CTNND2: variants seen among roughly 807,000 people sequenced by gnomAD.
CTNND2 encodes catenin delta-2.
A neutral mutation model predicts 144.4 loss-of-function variants in CTNND2; 22 were observed. The ratio of observed to expected loss-of-function variants is 0.15; its 90% confidence interval spans 0.11 to 0.22. CTNND2 has a LOEUF of 0.22. Among genes scored for constraint, CTNND2 ranks in the 10% least tolerant of loss-of-function variants. CTNND2 has a pLI of 1.00. For missense variants in CTNND2, 1,353 were observed against 1,618.8 expected (o/e 0.84, Z 2.82); for synonymous variants, 751 against 695.6 (o/e 1.08, Z -1.25).
At chr5:11,237,723 T>C (rs905777196) in intron 9 of CTNND2, among the ~76,000 whole-genome samples, 6 of 152,208 alleles carry the variant, frequency 3.9e-5, no homozygotes, top group Non-Finnish European at 5.9e-5. Context: ...AATAGTCTGA[T>C]TCAGGCACAG....
intron 8 of CTNND2, among the ~76,000 whole-genome samples, chr5:11,364,197 A>G (rs1341356355): frequency 1.3e-5 from 2 of 152,242 alleles, no homozygotes; most frequent in South Asian, 2.1e-4. Context: ...ACCTTCACAC[A>G]ATAATTTTGT....
intron 3 of CTNND2, among the ~76,000 whole-genome samples, chr5:11,438,476 A>C (rs2149887896): frequency 1.3e-5 from 2 of 152,320 alleles, no homozygotes; most frequent in South Asian, 4.1e-4. Flanking sequence ...AGAAAAGCAG[A>C]TGGTCCCATA....
At chr5:11,348,361 T>C (rs1477607325) in intron 8 of CTNND2, among the ~76,000 whole-genome samples, 1 of 149,502 alleles carries the variant, frequency 6.7e-6, no homozygotes, top group Admixed American at 6.7e-5. Flanking sequence ...AACTTGCTCT[T>C]GGATGAACAA....
At chr5:11,557,028 G>A (rs1436304866) in intron 3 of CTNND2, among the ~76,000 whole-genome samples, 1 of 152,012 alleles carries the variant, frequency 6.6e-6, no homozygotes, top group Non-Finnish European at 1.5e-5. Flanking sequence ...ACGAATGCAT[G>A]CATATATGCC....
intron 16 of CTNND2, among the ~76,000 whole-genome samples, chr5:11,081,664 A>G (rs1414965340): frequency 4.6e-5 from 7 of 152,246 alleles, no homozygotes; most frequent in Non-Finnish European, 8.8e-5. Context: ...ATGAATGTCT[A>G]TGATTATAAC....
intron 11 of CTNND2, among the ~76,000 whole-genome samples, chr5:11,179,207 C>T (rs748852076): frequency 7.2e-5 from 11 of 151,972 alleles, no homozygotes; most frequent in Non-Finnish European, 1.6e-4. Context: ...GTAGGAGAAT[C>T]GCTTGAACCC....
chr5:11,150,309 C>G (rs1216002889), intron 12 of CTNND2, among the ~76,000 whole-genome samples: 2 of 152,164 alleles, frequency 1.3e-5, no homozygotes, highest in African/African-American at 4.8e-5. Context: ...CTGAGTAAAT[C>G]CGGTGGACTT....
intron 3 of CTNND2, among the ~76,000 whole-genome samples, chr5:11,558,747 C>G (rs10060271): frequency 0.89 from 136,111 of 152,130 alleles, 60,944 homozygotes; most frequent in Admixed American, 0.92. Context: ...GCTTTGAGTG[C>G]AAGAACATGG....
chr5:11,844,605 C>T (rs1040353686), intron 1 of CTNND2, among the ~76,000 whole-genome samples: 4 of 151,988 alleles, frequency 2.6e-5, no homozygotes, highest in Non-Finnish European at 4.4e-5. Flanking sequence ...CACAGAAGTT[C>T]TGGCATATCC....
Position 11,811,616 on chromosome 5 carries a change from T to A in CTNND2, c.38-79344A>T, listed in dbSNP as rs867037789. Among the ~76,000 whole-genome samples, 5 of 152,198 alleles carry A rather than the reference T, an allele frequency of 3.3e-5. No individual in the cohort carries two copies. The South Asian group carries it at 8.3e-4, about 25-fold the overall frequency. On this transcript the variant is annotated intron_variant, in intron 1 of 21. Transcript: ENST00000304623. Reference sequence around the variant, plus strand: ...GTCCAATGGATGCCCTAGTTTTATATTACTCATTGCTTAAGTACTAGAGAG... The same window carrying A: ...GTCCAATGGATGCCCTAGTTTTATAATACTCATTGCTTAAGTACTAGAGAG...
At chr5:11,179,395 T>C (rs558241927) in intron 11 of CTNND2, among the ~76,000 whole-genome samples, 93 of 152,260 alleles carry the variant, frequency 6.1e-4, no homozygotes, top group Non-Finnish European at 9.7e-4. Flanking sequence ...AACAAGGTTA[T>C]CACAGAAAAT....
At chr5:11,558,890 GT>G (rs1293631922) in intron 3 of CTNND2, among the ~76,000 whole-genome samples, 1 of 152,070 alleles carries the variant, frequency 6.6e-6, no homozygotes, top group Non-Finnish European at 1.5e-5. Flanking sequence ...GCAAGTGGTC[GT>G]GTAGACTAAG....
chr5:11,469,478 T>TG (rs535153100), intron 3 of CTNND2, among the ~76,000 whole-genome samples: 102 of 152,264 alleles, frequency 6.7e-4, no homozygotes, highest in Non-Finnish European at 1.1e-3. Flanking sequence ...CTGCATTTAT[T>TG]GGAGCACCAG....
At chr5:11,145,144 T>C (rs1272300363) in intron 12 of CTNND2, among the ~76,000 whole-genome samples, 1 of 152,068 alleles carries the variant, frequency 6.6e-6, no homozygotes, top group Non-Finnish European at 1.5e-5. Context: ...TAATAAAATA[T>C]ATATTATATA....
chr5:11,769,089 T>C (rs1789768381), intron 1 of CTNND2, among the ~76,000 whole-genome samples: 1 of 152,162 alleles, frequency 6.6e-6, no homozygotes, highest in Non-Finnish European at 1.5e-5. Context: ...GGGGACCTTG[T>C]TAAAAATGGA....
At chr5:11,709,166 C>T (rs1211554694) in intron 2 of CTNND2, among the ~76,000 whole-genome samples, 1 of 152,218 alleles carries the variant, frequency 6.6e-6, no homozygotes, top group African/African-American at 2.4e-5. Context: ...GCCTGTGACA[C>T]ACCCGGCTAC....
At chr5:11,045,372 AG>A (rs1011325905) in intron 16 of CTNND2, among the ~76,000 whole-genome samples, 1 of 151,648 alleles carries the variant, frequency 6.6e-6, no homozygotes, top group African/African-American at 2.4e-5. Context: ...TGCAAGAGGG[AG>A]GGGGGGAAGG....
intron 3 of CTNND2, among the ~76,000 whole-genome samples, chr5:11,465,253 T>C (rs550071027): frequency 1.3e-5 from 2 of 152,220 alleles, no homozygotes; most frequent in South Asian, 2.1e-4. Context: ...TTACTATGCA[T>C]ACCTATCCAG....
chr5:11,511,319 G>C (rs1300176397), intron 3 of CTNND2, among the ~76,000 whole-genome samples: 1 of 152,190 alleles, frequency 6.6e-6, no homozygotes, highest in Non-Finnish European at 1.5e-5. Flanking sequence ...TTTTAACCCA[G>C]GATGTGTCCA....
Sources: gnomAD v4.1 joint callset for allele counts (sites outside exome capture counted in the v4.1 genomes callset) on GRCh38, gnomAD v4.1.1 for gene constraint, MANE v1.5 for transcripts, NCBI Gene and HGNC (gene_info 2026-07-23, HGNC 2026-07-21) for gene names.